The following LZTS1 variants were observed in gnomAD, a reference collection of about 807,000 sequenced individuals.
The protein encoded by LZTS1 is leucine zipper tumor suppressor 1.
LZTS1 carries 31 observed loss-of-function variants against 45.8 expected under a neutral mutation model. That is an observed-to-expected ratio of 0.68 (90% confidence interval 0.51 to 0.91). The LOEUF is 0.91. LZTS1 is among the 40% of genes least tolerant of loss of function. LZTS1 has a pLI of 0.00. For missense variants in LZTS1, 821 were observed against 788.9 expected, an observed-to-expected ratio of 1.04 and a Z score of -0.49; for synonymous variants, 359 against 357.3, an observed-to-expected ratio of 1.00 and a Z score of -0.05.
At chr8:20,274,034 C>T (rs1476733863) in intron 1 of LZTS1, among the ~76,000 whole-genome samples, 1 of 152,110 alleles carries the variant, frequency 6.6e-6, no homozygotes, top group African/African-American at 2.4e-5. Context: ...AGGCCCAAAG[C>T]CCCTGGGACT....
chr8:20,280,080 C>T (rs982180369), intron 1 of LZTS1, among the ~76,000 whole-genome samples: 2 of 152,190 alleles, frequency 1.3e-5, no homozygotes, highest in Middle Eastern at 3.4e-3. Flanking sequence ...GTGAAGGAGG[C>T]CTTAGGCCAT....
intron 1 of LZTS1, among the ~76,000 whole-genome samples, chr8:20,265,063 G>C (rs1374735728): frequency 1.3e-5 from 2 of 152,240 alleles, no homozygotes; most frequent in Non-Finnish European, 2.9e-5. Context: ...TGGGAAGGCA[G>C]AGGAGGCTGC....
intron 1 of LZTS1, among the ~76,000 whole-genome samples, chr8:20,268,017 G>A (rs1190125643): frequency 6.6e-6 from 1 of 152,214 alleles, no homozygotes; most frequent in East Asian, 1.9e-4. Context: ...TACAAAAAAT[G>A]CTTGACCAGT....
intron 1 of LZTS1, among the ~76,000 whole-genome samples, chr8:20,297,278 A>T (rs531084853): frequency 7.2e-5 from 11 of 152,250 alleles, no homozygotes; most frequent in Non-Finnish European, 1.6e-4. Flanking sequence ...CTCTAATTTC[A>T]ACATGGAGTG....
At chr8:20,270,522 C>CA in intron 1 of LZTS1, among the ~76,000 whole-genome samples, 1 of 152,046 alleles carries the variant, frequency 6.6e-6, no homozygotes, top group Admixed American at 6.6e-5. Context: ...AAGAGTATGG[C>CA]GAAGGACAGA....
At chr8:20,260,234 T>C (rs1563866736) in intron 1 of LZTS1, among the ~76,000 whole-genome samples, 1 of 152,192 alleles carries the variant, frequency 6.6e-6, no homozygotes, top group Non-Finnish European at 1.5e-5. Flanking sequence ...GATTGACTGA[T>C]TGATTTTTAA....
intron 1 of LZTS1, among the ~76,000 whole-genome samples, chr8:20,273,929 C>T (rs905733974): frequency 6.6e-6 from 1 of 151,990 alleles, no homozygotes; most frequent in Admixed American, 6.6e-5. Context: ...TCCTCCCCTC[C>T]CCAGGCCTGC....
At chr8:20,263,331 T>A (rs1395879966) in intron 1 of LZTS1, among the ~76,000 whole-genome samples, 1 of 151,612 alleles carries the variant, frequency 6.6e-6, no homozygotes, top group East Asian at 1.9e-4. Flanking sequence ...CTGGATTCAT[T>A]TCAGTCTTTT....
intron 1 of LZTS1, among the ~76,000 whole-genome samples, chr8:20,282,367 G>T (rs1200092495): frequency 1.3e-5 from 2 of 152,194 alleles, no homozygotes; most frequent in Non-Finnish European, 2.9e-5. Context: ...AATGGTGTTT[G>T]CTGGCCATGT....
At chr8:20,253,873 A>T (rs1800019389) in intron 2 of LZTS1, among the ~76,000 whole-genome samples, 1 of 152,064 alleles carries the variant, frequency 6.6e-6, no homozygotes. Context: ...TACCATCTTG[A>T]GGCTCCTGCT....
At chr8:20,289,777 C>G (rs1800867529) in intron 1 of LZTS1, 1 of 152,214 alleles carries the variant, frequency 6.6e-6, no homozygotes, top group Admixed American at 6.5e-5. Context: ...TCCAGGCTGC[C>G]TGAGTTTAAC....
intron 1 of LZTS1, among the ~76,000 whole-genome samples, chr8:20,257,388 A>G (rs1045216700): frequency 1.3e-5 from 2 of 152,130 alleles, no homozygotes; most frequent in African/African-American, 4.8e-5. Flanking sequence ...GTGCTGCTGA[A>G]AGTAAGATAA....
At chr8:20,290,623 T>C (rs1355651531) in intron 1 of LZTS1, among the ~76,000 whole-genome samples, 1 of 152,248 alleles carries the variant, frequency 6.6e-6, no homozygotes, top group Non-Finnish European at 1.5e-5. Flanking sequence ...AGAATTAGAC[T>C]CTTTAACTTG....
At chr8:20,282,257 C>T (rs9644641) in intron 1 of LZTS1, among the ~76,000 whole-genome samples, 7,577 of 152,270 alleles carry the variant, frequency 0.05, 220 homozygotes, top group East Asian at 0.12. Context: ...GAAGAGGTGG[C>T]GACTCATGCC....
At chr8:20,298,577 G>A (rs988049971) in intron 1 of LZTS1, among the ~76,000 whole-genome samples, 1 of 152,224 alleles carries the variant, frequency 6.6e-6, no homozygotes, top group Non-Finnish European at 1.5e-5. Context: ...AAGCAACAGT[G>A]TGAGGCTGGA....
intron 1 of LZTS1, among the ~76,000 whole-genome samples, chr8:20,277,844 A>G (rs550416262): frequency 2.0e-5 from 3 of 152,334 alleles, no homozygotes; most frequent in South Asian, 2.1e-4. Context: ...TCTAATGCCA[A>G]TTCCAGCTTG....
At chr8:20,291,951 G>T (rs1267765920) in intron 1 of LZTS1, among the ~76,000 whole-genome samples, 2 of 152,210 alleles carry the variant, frequency 1.3e-5, no homozygotes, top group Non-Finnish European at 2.9e-5. Flanking sequence ...CTGCTTCTGA[G>T]ACTGCCAGCC....
chr8:20,300,631 C>T (rs1395689109), intron 1 of LZTS1, among the ~76,000 whole-genome samples: 2 of 152,034 alleles, frequency 1.3e-5, no homozygotes, highest in Admixed American at 6.6e-5. Flanking sequence ...AGCGCCCCGC[C>T]GCCAACACTG....
chr8:20,255,648 G>A (rs974262485), intron 1 of LZTS1, among the ~76,000 whole-genome samples: 11 of 150,338 alleles, frequency 7.3e-5, no homozygotes, highest in African/African-American at 1.5e-4. Flanking sequence ...CCAGTGCTGC[G>A]GGTACCAGTG....
Sources: allele counts gnomAD v4.1 joint callset (sites outside exome capture counted in the v4.1 genomes callset), GRCh38; gene constraint gnomAD v4.1.1; transcripts MANE v1.5; gene names NCBI Gene and HGNC (gene_info 2026-07-23, HGNC 2026-07-21).